RER1: variants seen among roughly 807,000 people sequenced by gnomAD.
RER1 encodes protein RER1.
In RER1, 6 loss-of-function variants were observed where a neutral mutation model predicts 28.3. The ratio of observed to expected loss-of-function variants is 0.21; its 90% CI spans 0.12 to 0.42. The LOEUF is 0.42. Ranked by LOEUF, RER1 falls within the 10% of genes least tolerant of loss-of-function variation. The pLI is 1.00. For missense variants in RER1, 159 were observed against 252.9 expected, an observed-to-expected ratio of 0.63 and a Z score of 2.52; for synonymous variants, 110 against 95.9, an observed-to-expected ratio of 1.15 and a Z score of -0.86.
intron 6 of RER1, 78 bp from the exon 7 acceptor site, chr1:2,402,957 T>C (rs997031223): frequency 1.1e-4 from 136 of 1,226,100 alleles, no homozygotes; most frequent in Admixed American, 1.5e-4. Flanking sequence ...GGGGGACCTT[T>C]GGCCGCTCAG....
At chr1:2,397,565 C>T (rs1267733963) in intron 3 of RER1, among the ~76,000 whole-genome samples, 2 of 152,168 alleles carry the variant, frequency 1.3e-5, no homozygotes, top group African/African-American at 2.4e-5. Flanking sequence ...GTGGCTGCCT[C>T]ATTCCTTGGG....
At chr1:2,402,552 G>A (rs1195573214) in intron 6 of RER1, among the ~76,000 whole-genome samples, 1 of 152,204 alleles carries the variant, frequency 6.6e-6, no homozygotes, top group Non-Finnish European at 1.5e-5. Context: ...TGTGGGAGCG[G>A]GCGGGCTCTT....
At chr1:2,402,899 G>C in intron 6 of RER1, 136 bp from the exon 7 acceptor site, 1 of 703,568 alleles carries the variant, frequency 1.4e-6, no homozygotes. Flanking sequence ...TGTGGGCGCA[G>C]GAAGCCACTG....
chr1:2,392,239 C>T (rs1001478555), intron 1 of RER1, among the ~76,000 whole-genome samples: 2 of 152,104 alleles, frequency 1.3e-5, no homozygotes, highest in Non-Finnish European at 2.9e-5. Context: ...GGGGCTGCAG[C>T]CCTCGAGCCA....
chr1:2,400,308 G>T (rs752297953), intron 4 of RER1, among the ~76,000 whole-genome samples: 3 of 152,232 alleles, frequency 2.0e-5, no homozygotes, highest in Admixed American at 1.3e-4. Context: ...AGATTGCTGG[G>T]AACACAGCCC....
At chr1:2,400,036 G>A (rs906878934) in intron 4 of RER1, among the ~76,000 whole-genome samples, 3 of 152,190 alleles carry the variant, frequency 2.0e-5, no homozygotes, top group African/African-American at 7.2e-5. Context: ...CTGGTGCTTC[G>A]TGCTCCACTA....
chr1:2,393,873 T>C (rs1168023062), intron 1 of RER1: 5 of 152,174 alleles, frequency 3.3e-5, no homozygotes, highest in African/African-American at 1.2e-4. Context: ...CTGATGGCGT[T>C]TTGAGTAGGT....
intron 5 of RER1, chr1:2,401,960 T>C: frequency 3.5e-6 from 5 of 1,422,650 alleles, no homozygotes; most frequent in Non-Finnish European, 4.7e-6. Context: ...TTATACTTTG[T>C]GTAGTTTTAA....
chr1:2,402,515 G>T (rs1416121740), intron 6 of RER1, among the ~76,000 whole-genome samples, 173 bp downstream of exon 6: 1 of 152,124 alleles, frequency 6.6e-6, no homozygotes, highest in Non-Finnish European at 1.5e-5. Context: ...TCCCAGCACG[G>T]CCGGCTAACT....
Position 2,403,196 on chromosome 1 carries a change from C to A in RER1, c.*72C>A. On this transcript the variant is annotated 3_prime_UTR_variant, in exon 7 of 7. Transcript: ENST00000605895. Reference sequence around the variant, plus strand: ...CATTGTTAACAATGCCTTTTTTCTTCACATAAAGTAGTTGATTACGAGGGA... The same window carrying A: ...CATTGTTAACAATGCCTTTTTTCTTAACATAAAGTAGTTGATTACGAGGGA... The A allele has an allele frequency of 8.5e-7, 1 of 1,170,946 alleles. No individual in the cohort carries two copies. The highest frequency in any genetic ancestry group is 1.3e-6 in the Non-Finnish European group (1 of 781,666). The allele number at this position is 1,170,946 out of a possible 1,614,324, so 72.5% of individuals were successfully genotyped here. A position where few individuals can be genotyped will look rare whatever the true frequency, so the allele number is the denominator to read the frequency against.
chr1:2,400,807 T>A (rs1436310766), intron 4 of RER1, 50 bp from the exon 5 acceptor site: 1 of 1,431,984 alleles, frequency 7.0e-7, no homozygotes, highest in African/African-American at 1.4e-5. Flanking sequence ...GGTAGAACTG[T>A]GATGGGAATG....
intron 1 of RER1, among the ~76,000 whole-genome samples, chr1:2,392,359 C>G: frequency 6.6e-6 from 1 of 152,230 alleles, no homozygotes; most frequent in East Asian, 1.9e-4. Flanking sequence ...TGTGCCCTGT[C>G]CCCATCCTGC....
chr1:2,397,005 T>C (rs1642776881), intron 2 of RER1, 111 bp from the exon 3 acceptor site: 2 of 640,846 alleles, frequency 3.1e-6, no homozygotes, highest in Admixed American at 2.4e-5. Flanking sequence ...ACTCACTCTT[T>C]TAGCTGTTTT....
chr1:2,393,576 C>T (rs1361167266), intron 1 of RER1, among the ~76,000 whole-genome samples: 1 of 152,144 alleles, frequency 6.6e-6, no homozygotes, highest in Non-Finnish European at 1.5e-5. Context: ...ACGGGCTGCC[C>T]ACTGATTCCT....
rs777594923 is a variant in RER1 at position 2,400,853 on chromosome 1, A to G, written c.287-4A>G. 3 of 1,613,322 alleles carry G rather than the reference A, an allele frequency of 1.9e-6. No homozygotes were observed. The highest frequency in any genetic ancestry group is 2.5e-6 in the Non-Finnish European group (3 of 1,179,294). ...CCCTCCCTGATGGTTGCTCTGCCTT[A>G]CAGATGACGGTCCTTCGCTACCCAC... is the stretch of plus-strand genomic sequence containing the variant. On this transcript the variant is annotated splice_polypyrimidine_tract_variant and splice_region_variant and intron_variant, in intron 4 of 6. Transcript: ENST00000605895.
At chr1:2,402,373 C>T (rs771551933) in intron 6 of RER1, 31 bp downstream of exon 6, 18 of 1,613,384 alleles carry the variant, frequency 1.1e-5, no homozygotes, top group East Asian at 6.7e-5. Context: ...CCACGCCGGC[C>T]GCAATCGCTG....
chr1:2,395,765 T>C lies in RER1; in HGVS notation c.-7-19T>C. The C allele has an allele frequency of 6.4e-7, 1 of 1,569,336 alleles. No homozygotes were observed. Among genetic ancestry groups the C allele is most frequent in the Non-Finnish European group, 8.8e-7 (1 of 1,139,208 alleles). ...CGTGAATGCTTTTTACTGAAAAGTATTTTGTGTTTTTCTCCCAGTTACAGA... is the reference window on the plus strand; with the variant it reads ...CGTGAATGCTTTTTACTGAAAAGTACTTTGTGTTTTTCTCCCAGTTACAGA... On this transcript the variant is annotated intron_variant, in intron 1 of 6. Coordinates refer to ENST00000605895, the MANE Select transcript of RER1 (RefSeq NM_007033.5).
At chr1:2,395,700 C>A in intron 1 of RER1, 84 bp from the exon 2 acceptor site, 1 of 929,830 alleles carries the variant, frequency 1.1e-6, no homozygotes, top group Non-Finnish European at 1.8e-6. Context: ...AAGAAACCTA[C>A]TTGACAGTGT....
At chr1:2,400,819 A>G (rs371428165) in intron 4 of RER1, 38 bp from the exon 5 acceptor site, 4 of 1,544,372 alleles carry the variant, frequency 2.6e-6, no homozygotes, top group African/African-American at 2.7e-5. Context: ...ATGGGAATGA[A>G]AAGAGGTGCC....
Sources: allele counts gnomAD v4.1 joint callset (sites outside exome capture counted in the v4.1 genomes callset), GRCh38; gene constraint gnomAD v4.1.1; transcripts MANE v1.5; gene names NCBI Gene and HGNC (gene_info 2026-07-23, HGNC 2026-07-21).